PCSK2: variants seen among roughly 807,000 people sequenced by gnomAD.
PCSK2 encodes the protein neuroendocrine convertase 2.
A neutral mutation model predicts 69.7 loss-of-function variants in PCSK2; 14 were observed. The observed-to-expected ratio is 0.20, with a 90% CI of 0.13 to 0.31. The LOEUF (loss-of-function observed/expected upper bound fraction) is 0.31. PCSK2 is among the 10% of genes least tolerant of loss of function. The pLI is 1.00. For missense variants in PCSK2, 544 were observed against 842.5 expected, an observed-to-expected ratio of 0.65 and a Z score of 4.39; for synonymous variants, 307 against 320.7, an observed-to-expected ratio of 0.96 and a Z score of 0.46.
intron 5 of PCSK2, among the ~76,000 whole-genome samples, chr20:17,391,461 T>A (rs1179388902): frequency 6.6e-6 from 1 of 152,184 alleles, no homozygotes; most frequent in Non-Finnish European, 1.5e-5. Context: ...ATTTGCTGGT[T>A]AATAGATGTA....
At chr20:17,430,757 T>A (rs2032347276) in intron 7 of PCSK2, among the ~76,000 whole-genome samples, 1 of 152,132 alleles carries the variant, frequency 6.6e-6, no homozygotes. Context: ...TGGGATGGAA[T>A]CTAAGGGAGG....
intron 2 of PCSK2, among the ~76,000 whole-genome samples, chr20:17,294,515 C>A (rs1360601616): frequency 1.3e-5 from 2 of 152,188 alleles, no homozygotes; most frequent in Non-Finnish European, 2.9e-5. Flanking sequence ...CTCCTGCCCT[C>A]ACACATGAAG....
chr20:17,343,507 T>C (rs1296532128), intron 2 of PCSK2, among the ~76,000 whole-genome samples: 1 of 152,212 alleles, frequency 6.6e-6, no homozygotes, highest in Non-Finnish European at 1.5e-5. Context: ...GAATATTAGC[T>C]CTCTCTCTGC....
At chr20:17,481,413 A>AAAAAAAAAAAAAAGAG (rs113487407) in intron 11 of PCSK2, among the ~76,000 whole-genome samples, 171 bp from the exon 12 acceptor site, 1 of 115,826 alleles carries the variant, frequency 8.6e-6, no homozygotes, top group Admixed American at 8.5e-5. Flanking sequence ...AAAAAAAAAA[A>AAAAAAAAAAAAAAGAG]AGAGATAAGT....
chr20:17,360,245 G>A (rs2030343958), intron 3 of PCSK2, among the ~76,000 whole-genome samples: 2 of 151,690 alleles, frequency 1.3e-5, no homozygotes, highest in South Asian at 4.2e-4. Flanking sequence ...TATGGAAAAA[G>A]TTTAAAGATA....
At chr20:17,427,284 T>C (rs6131948) in intron 6 of PCSK2, among the ~76,000 whole-genome samples, 85,962 of 152,068 alleles carry the variant, frequency 0.57, 24,599 homozygotes, top group South Asian at 0.7. Context: ...CATATATAAA[T>C]ACATGCTTTT....
In PCSK2 at chr20:17,450,869, A is replaced by G. The variant is rs562261520; in HGVS notation, c.886-2873A>G. Among the ~76,000 whole-genome samples the G allele has an allele frequency of 6.6e-5, 10 of 152,266 alleles. No homozygotes were observed. The South Asian group carries it at 2.1e-3, about 32-fold the overall frequency. On this transcript the variant is annotated intron_variant, in intron 8 of 11. Transcript: ENST00000262545. ...ACTATCATGTTGTGTCTCAGGTTCTAATATATGAATTTGGGGGGGACATAT... is the reference window on the plus strand; with the variant it reads ...ACTATCATGTTGTGTCTCAGGTTCTGATATATGAATTTGGGGGGGACATAT...
intron 2 of PCSK2, among the ~76,000 whole-genome samples, chr20:17,333,042 T>C (rs1334243095): frequency 6.6e-6 from 1 of 152,180 alleles, no homozygotes; most frequent in African/African-American, 2.4e-5. Context: ...ATAGATTAGA[T>C]AATAGTATTG....
At chr20:17,394,569 T>A (rs2031466761) in intron 5 of PCSK2, among the ~76,000 whole-genome samples, 1 of 152,096 alleles carries the variant, frequency 6.6e-6, no homozygotes, top group Non-Finnish European at 1.5e-5. Flanking sequence ...CTCTTCCTGG[T>A]TCTTGAAAAT....
chr20:17,331,399 C>T (rs1181170570), intron 2 of PCSK2, among the ~76,000 whole-genome samples: 3 of 152,146 alleles, frequency 2.0e-5, no homozygotes, highest in Non-Finnish European at 4.4e-5. Context: ...AGTCATGAAC[C>T]ATCTATTAAA....
chr20:17,398,413 A>C (rs2031561203), intron 5 of PCSK2, among the ~76,000 whole-genome samples: 1 of 150,422 alleles, frequency 6.6e-6, no homozygotes, highest in Non-Finnish European at 1.5e-5. Flanking sequence ...AGTTTCAGCT[A>C]CTCTGGAGAC....
intron 2 of PCSK2, among the ~76,000 whole-genome samples, chr20:17,355,380 T>C (rs2030158254): frequency 6.6e-6 from 1 of 152,162 alleles, no homozygotes; most frequent in Non-Finnish European, 1.5e-5. Context: ...AGGAGTCCCA[T>C]AGAATGGGAA....
chr20:17,431,001 G>C (rs16999185), intron 7 of PCSK2, among the ~76,000 whole-genome samples: 12,281 of 152,132 alleles, frequency 0.081, 558 homozygotes, highest in Middle Eastern at 0.23. Flanking sequence ...GAAAACACCT[G>C]AGCATTGAGT....
intron 6 of PCSK2, among the ~76,000 whole-genome samples, chr20:17,414,045 A>T (rs1347121653): frequency 6.6e-6 from 1 of 152,234 alleles, no homozygotes; most frequent in Non-Finnish European, 1.5e-5. Context: ...GTGTAGAGGG[A>T]AATTTATAGC....
At chr20:17,440,021 A>G (rs1033549526) in intron 8 of PCSK2, among the ~76,000 whole-genome samples, 6 of 152,218 alleles carry the variant, frequency 3.9e-5, no homozygotes, top group African/African-American at 1.4e-4. Context: ...TAGAGAGCCG[A>G]CACTGCACAG....
At chr20:17,338,129 G>C (rs1352106161) in intron 2 of PCSK2, among the ~76,000 whole-genome samples, 1 of 138,596 alleles carries the variant, frequency 7.2e-6, no homozygotes, top group Non-Finnish European at 1.6e-5. Context: ...ATTCCCTCCA[G>C]ACTCAGGTTC....
At chr20:17,406,247 G>A (rs149169324) in intron 5 of PCSK2, among the ~76,000 whole-genome samples, 6 of 152,208 alleles carry the variant, frequency 3.9e-5, no homozygotes, top group African/African-American at 1.4e-4. Flanking sequence ...TAAATGACTC[G>A]GTTTGGCTGT....
chr20:17,314,832 T>G (rs1464857528), intron 2 of PCSK2, among the ~76,000 whole-genome samples: 2 of 152,190 alleles, frequency 1.3e-5, no homozygotes, highest in Non-Finnish European at 2.9e-5. Context: ...AGAAGCTTCT[T>G]GAATGTTTAC....
chr20:17,373,809 C>A (rs1175862146), intron 5 of PCSK2, among the ~76,000 whole-genome samples: 1 of 152,112 alleles, frequency 6.6e-6, no homozygotes, highest in African/African-American at 2.4e-5. Flanking sequence ...AATTGCAAAT[C>A]AATATATAAA....
Sources: gnomAD v4.1 joint callset for allele counts (sites outside exome capture counted in the v4.1 genomes callset) on GRCh38, gnomAD v4.1.1 for gene constraint, MANE v1.5 for transcripts, NCBI Gene and HGNC (gene_info 2026-07-23, HGNC 2026-07-21) for gene names.